Variants in GMCL1 observed in about 807,000 individuals in gnomAD.
GMCL1 encodes germ cell-less protein-like 1.
Under a neutral mutation model 75.5 loss-of-function variants are expected in GMCL1, and 54 were observed. The observed-to-expected ratio is 0.71, with a 90% confidence interval of 0.57 to 0.90. The LOEUF (loss-of-function observed/expected upper bound fraction) is 0.90, where lower values mean the gene tolerates loss of function less well. Among genes scored for constraint, GMCL1 ranks in the 40% least tolerant of loss-of-function variants. The probability of loss-of-function intolerance (pLI) is 0.00; values close to 1 mark genes in which losing one functional copy is unlikely to be tolerated. For synonymous variants in GMCL1, 210 were observed against 209.6 expected (o/e 1.00, Z -0.02); for missense variants, 537 against 622.7 (o/e 0.86, Z 1.47).
intron 11 of GMCL1, among the ~76,000 whole-genome samples, chr2:69,868,574 T>A (rs10190660): frequency 0.068 from 10,276 of 151,192 alleles, 923 homozygotes; most frequent in Admixed American, 0.22. Flanking sequence ...TATTTTTTTT[T>A]ATTCTTTTTT....
chr2:69,837,551 AAATT>A lies in GMCL1; in HGVS notation c.268_271del (p.Leu90ArgfsTer13), dbSNP rs750976761. 5.2e-6 allele frequency: 8 copies of A among 1,542,340 alleles called. No individual in the cohort carries two copies. Among genetic ancestry groups the A allele is most frequent in the African/African-American group, 1.4e-5 (1 of 70,938 alleles). ...CTTTTTCATTTCTTTTAACAGGAAA[AAATT>A]AAAGAGTACATCTAAATATATTTAT... On this transcript the variant is annotated frameshift_variant, in exon 2 of 14. Transcript: ENST00000282570. LOFTEE classifies it high-confidence loss of function.
At chr2:69,851,643 A>G (rs1175119787) in intron 8 of GMCL1, among the ~76,000 whole-genome samples, 2 of 151,982 alleles carry the variant, frequency 1.3e-5, no homozygotes, top group East Asian at 1.9e-4. Context: ...GGTGGCATGT[A>G]CTTGTCTGTA....
At chr2:69,840,889 A>G (rs2103957395) in intron 3 of GMCL1, 53 bp from the exon 4 acceptor site, 1 of 1,237,536 alleles carries the variant, frequency 8.1e-7, no homozygotes, top group East Asian at 2.4e-5. Flanking sequence ...TTTGTATAAC[A>G]CTTGTAATAG....
At chr2:69,831,962 T>A (rs1454658671) in intron 1 of GMCL1, among the ~76,000 whole-genome samples, 1 of 152,194 alleles carries the variant, frequency 6.6e-6, no homozygotes, top group Non-Finnish European at 1.5e-5. Context: ...GGCTCATGCC[T>A]ATAATCCCAG....
At chr2:69,847,760 C>A in intron 7 of GMCL1, 133 bp downstream of exon 7, 1 of 492,898 alleles carries the variant, frequency 2.0e-6, no homozygotes, top group Non-Finnish European at 3.6e-6. Context: ...AGGCCGAAAC[C>A]TTAAAAAGTC....
intron 1 of GMCL1, among the ~76,000 whole-genome samples, chr2:69,833,045 T>A (rs1020255804): frequency 1.2e-4 from 19 of 152,182 alleles, no homozygotes; most frequent in South Asian, 8.3e-4. Context: ...TGGAAAAGTT[T>A]GCTCAAGTGT....
intron 11 of GMCL1, among the ~76,000 whole-genome samples, chr2:69,866,468 G>A (rs781278208): frequency 3.3e-4 from 50 of 151,548 alleles, no homozygotes; most frequent in Non-Finnish European, 5.2e-4. Flanking sequence ...ATTATTTTAC[G>A]TTCACATTGA....
At chr2:69,846,305 G>A (rs147560421) in intron 6 of GMCL1, among the ~76,000 whole-genome samples, 325 of 152,148 alleles carry the variant, frequency 2.1e-3, no homozygotes, top group African/African-American at 7.5e-3. Flanking sequence ...ACCAACTGCC[G>A]ATTGAAAAGA....
At chr2:69,839,055 G>C (rs1674904106) in intron 2 of GMCL1, among the ~76,000 whole-genome samples, 1 of 152,094 alleles carries the variant, frequency 6.6e-6, no homozygotes, top group African/African-American at 2.4e-5. Context: ...CTAAATTTTG[G>C]ATTTTCCCTG....
intron 10 of GMCL1, 23 bp downstream of exon 10, chr2:69,861,370 T>C (rs1335100953): frequency 2.8e-5 from 42 of 1,482,416 alleles, no homozygotes; most frequent in Non-Finnish European, 3.6e-5. Context: ...TACCTTATCA[T>C]TTTTCATTAA....
Position 69,871,823 on chromosome 2 carries a change from A to G in GMCL1, c.1443A>G (p.Glu481=). ...CTGGCTATCAAATACTTACACTTGA[A>G]AAGGATCAGGTATGTTCGATTATCT... ...RTTGYQILTL[E]KDQEQVVMNL... is the part of the protein sequence containing the mutation. The change falls in exon 13 of 14, where the codon GAA becomes GAG. Residue 481 remains glutamate, a synonymous_variant. Coordinates refer to ENST00000282570, the MANE Select transcript of GMCL1 (RefSeq NM_178439.5). 5.7e-6 allele frequency: 9 copies of G among 1,572,928 alleles called. No individual in the cohort carries two copies. The highest frequency in any genetic ancestry group is 7.8e-6 in the Non-Finnish European group (9 of 1,149,186).
In GMCL1 at chr2:69,854,178, C is replaced by A. The variant is rs1675403687; in HGVS notation, c.935-645C>A. ...TTATTACTTATTTTAGAGACAAGTT[C>A]TTGCTCTGTCACACAGGCTGGAGTG... On this transcript the variant is annotated intron_variant, in intron 8 of 13. Coordinates refer to ENST00000282570, the MANE Select transcript of GMCL1 (RefSeq NM_178439.5). 2.7e-5 allele frequency among the ~76,000 whole-genome samples: 4 copies of A among 148,568 alleles called. No homozygotes were observed. The South Asian group carries it at 6.4e-4, about 24-fold the overall frequency.
chr2:69,845,955 A>AT (rs35362436), intron 6 of GMCL1, among the ~76,000 whole-genome samples: 2,261 of 143,876 alleles, frequency 0.016, 27 homozygotes, highest in African/African-American at 0.027. Context: ...AATTTTACTG[A>AT]TTTTTTTTTT....
chr2:69,830,266 A>G, intron 1 of GMCL1, 114 bp downstream of exon 1: 4 of 1,345,650 alleles, frequency 3.0e-6, no homozygotes, highest in Non-Finnish European at 3.0e-6. Flanking sequence ...TGGAGAGGGG[A>G]CGTGCCCTTG....
intron 7 of GMCL1, among the ~76,000 whole-genome samples, chr2:69,847,982 C>A (rs960960681): frequency 2.0e-5 from 3 of 152,146 alleles, no homozygotes; most frequent in Admixed American, 1.3e-4. Context: ...TTTTTACACA[C>A]GCTTTTTCTA....
intron 11 of GMCL1, among the ~76,000 whole-genome samples, chr2:69,867,170 T>A (rs1675843706): frequency 6.6e-6 from 1 of 152,108 alleles, no homozygotes; most frequent in Non-Finnish European, 1.5e-5. Context: ...GTTCTCAGAC[T>A]CCTGGGCTCA....
chr2:69,837,065 A>G (rs73936266), intron 1 of GMCL1, among the ~76,000 whole-genome samples: 11,941 of 152,300 alleles, frequency 0.078, 1,605 homozygotes, highest in African/African-American at 0.27. Flanking sequence ...TTGGTACCAA[A>G]ATAAGATTAA....
At chr2:69,847,909 T>A (rs1675201069) in intron 7 of GMCL1, among the ~76,000 whole-genome samples, 1 of 152,234 alleles carries the variant, frequency 6.6e-6, no homozygotes, top group Middle Eastern at 3.2e-3. Context: ...ATTTACATAA[T>A]CAAAAATGTT....
At chr2:69,832,800 A>G (rs1453310499) in intron 1 of GMCL1, among the ~76,000 whole-genome samples, 1 of 152,256 alleles carries the variant, frequency 6.6e-6, no homozygotes, top group Non-Finnish European at 1.5e-5. Context: ...TCACACAGCA[A>G]TTTGAATACA....
Sources: gnomAD v4.1 joint callset for allele counts (sites outside exome capture counted in the v4.1 genomes callset) on GRCh38, gnomAD v4.1.1 for gene constraint, MANE v1.5 for transcripts, NCBI Gene and HGNC (gene_info 2026-07-23, HGNC 2026-07-21) for gene names.